The following NCOR1 variants were observed in gnomAD, a reference collection of about 807,000 sequenced individuals.
The protein encoded by NCOR1 is nuclear receptor corepressor 1, also known as protein phosphatase 1, regulatory subunit 109.
In NCOR1, 63 loss-of-function variants were observed where a neutral mutation model predicts 288.1. The observed-to-expected ratio is 0.22, with a 90% CI of 0.18 to 0.27. The LOEUF is 0.27. NCOR1 is among the 10% of genes least tolerant of loss of function. The pLI is 1.00. For synonymous variants in NCOR1, 1,007 were observed against 1,065.9 expected (o/e 0.94, Z 1.08); for missense variants, 2,397 against 3,019.2 (o/e 0.79, Z 4.83).
chr17:16,100,883 G>A (rs919950780), intron 20 of NCOR1, among the ~76,000 whole-genome samples: 2 of 152,166 alleles, frequency 1.3e-5, no homozygotes, highest in African/African-American at 2.4e-5. Context: ...TTAGAGAAGC[G>A]GGAGTGCCTC....
chr17:16,112,342 C>T (rs2070448935), intron 18 of NCOR1, among the ~76,000 whole-genome samples: 1 of 152,114 alleles, frequency 6.6e-6, no homozygotes, highest in Non-Finnish European at 1.5e-5. Flanking sequence ...CTAAAGGCCG[C>T]TTTGTATACA....
At chr17:16,130,126 ACC>A (rs2075366716) in intron 14 of NCOR1, among the ~76,000 whole-genome samples, 1 of 152,126 alleles carries the variant, frequency 6.6e-6, no homozygotes, top group Admixed American at 6.5e-5. Context: ...AGAACCTCTC[ACC>A]CCTCTGTATA....
At chr17:16,087,041 G>A (rs1014886113) in intron 22 of NCOR1, 11 of 631,042 alleles carry the variant, frequency 1.7e-5, no homozygotes, top group Non-Finnish European at 2.1e-5. Context: ...ATGGAACGCA[G>A]AGAAACAAAG....
intron 11 of NCOR1, among the ~76,000 whole-genome samples, chr17:16,140,623 G>C (rs1015885658): frequency 5.3e-5 from 8 of 152,186 alleles, no homozygotes; most frequent in African/African-American, 1.9e-4. Flanking sequence ...AGACCAGCTT[G>C]GCCAACATGG....
chr17:16,115,880 T>G (rs2071465296), intron 18 of NCOR1, among the ~76,000 whole-genome samples: 1 of 152,210 alleles, frequency 6.6e-6, no homozygotes, highest in Non-Finnish European at 1.5e-5. Context: ...TATTTTCAGG[T>G]ATCTTTTCAC....
intron 21 of NCOR1, among the ~76,000 whole-genome samples, chr17:16,094,721 C>T (rs1014414270): frequency 1.3e-5 from 2 of 152,192 alleles, no homozygotes; most frequent in African/African-American, 2.4e-5. Context: ...CGCGCCGCCA[C>T]GCCTGACTGG....
intron 12 of NCOR1, among the ~76,000 whole-genome samples, chr17:16,138,588 A>G (rs774178447): frequency 3.3e-5 from 5 of 152,384 alleles, no homozygotes; most frequent in Non-Finnish European, 5.9e-5. Context: ...CCGTCTCAAA[A>G]AAAACAGAAG....
At chr17:16,101,101 A>G (rs900306586) in intron 20 of NCOR1, 149 bp downstream of exon 20, 2 of 726,054 alleles carry the variant, frequency 2.8e-6, no homozygotes, top group Admixed American at 3.0e-5. Context: ...ATTTAAACAG[A>G]ACAGTATCAG....
chr17:16,053,296 T>C (rs1197061553), intron 40 of NCOR1, among the ~76,000 whole-genome samples: 2 of 152,150 alleles, frequency 1.3e-5, no homozygotes, highest in East Asian at 1.9e-4. Flanking sequence ...GAAAACTCCA[T>C]AGTCTCAGCC....
At chr17:16,132,791 C>CTTTT (rs34110444) in intron 14 of NCOR1, among the ~76,000 whole-genome samples, 3 of 130,084 alleles carry the variant, frequency 2.3e-5, no homozygotes, top group African/African-American at 5.8e-5. Flanking sequence ...GCAAACTACA[C>CTTTT]TTTTTTTTTT....
chr17:16,078,809 C>T (rs1445618589), intron 26 of NCOR1, among the ~76,000 whole-genome samples: 2 of 152,118 alleles, frequency 1.3e-5, no homozygotes, highest in Non-Finnish European at 2.9e-5. Flanking sequence ...CTCCTGACCT[C>T]GTGATCCGCT....
intron 3 of NCOR1, among the ~76,000 whole-genome samples, chr17:16,182,623 G>A (rs1394922174): frequency 6.6e-6 from 1 of 151,876 alleles, no homozygotes; most frequent in Non-Finnish European, 1.5e-5. Flanking sequence ...CCCGGCTAAT[G>A]TTTTGTATTT....
In NCOR1 at chr17:16,125,893, G is replaced by C. The variant is rs145085513; in HGVS notation, c.1634+189C>G. ...AGACACTAGAGATTCAAACAGGTGA[G>C]AGGGTGCGAGGGGGTGGGTGAGGTA... On this transcript the variant is annotated intron_variant, in intron 15 of 45. Coordinates refer to ENST00000268712, the MANE Select transcript of NCOR1 (RefSeq NM_006311.4). Among the ~76,000 whole-genome samples the C allele has an allele frequency of 1.1e-3, 163 of 152,064 alleles. 1 individual carries two copies. Among genetic ancestry groups the C allele is most frequent in the African/African-American group, 3.8e-3 (158 of 41,492 alleles).
chr17:16,185,882 A>T (rs1206137019), intron 3 of NCOR1, among the ~76,000 whole-genome samples: 2 of 151,714 alleles, frequency 1.3e-5, no homozygotes, highest in Non-Finnish European at 2.9e-5. Context: ...GGCTGCAATG[A>T]GCCATGATCA....
intron 31 of NCOR1, 75 bp downstream of exon 31, chr17:16,070,089 AC>A: frequency 1.4e-6 from 2 of 1,479,914 alleles, no homozygotes; most frequent in African/African-American, 2.8e-5. Flanking sequence ...TTTGATATTT[AC>A]TACTTGACAA....
Position 16,058,558 on chromosome 17 carries a change from C to T in NCOR1, c.5923G>A (p.Val1975Met). 1.2e-6 allele frequency: 2 copies of T among 1,613,318 alleles called. No individual in the cohort carries two copies. The highest frequency in any genetic ancestry group is 1.7e-6 in the Non-Finnish European group (2 of 1,179,482). The change falls in exon 38 of 46, where the codon GTG (valine) becomes ATG (methionine). Residue 1975 changes from valine (V) to methionine (M), a missense_variant. Physicochemically the swap from Val to Met is conservative, Grantham distance 21. Coordinates refer to ENST00000268712, the MANE Select transcript of NCOR1 (RefSeq NM_006311.4). ...RYETPSDAIEVISPASSPAPP... is the reference protein window; with the variant it reads ...RYETPSDAIEMISPASSPAPP... ...GCAGGTGAGCTGGCAGGACTTATCA[C>T]CTCAATAGCATCGCTAGGTGTTTCA...
chr17:16,041,262 G>T (rs1454647437), intron 42 of NCOR1: 4 of 152,180 alleles, frequency 2.6e-5, no homozygotes, highest in Admixed American at 6.5e-5. Flanking sequence ...TAATAAAGCA[G>T]TGTGCCAGAA....
intron 5 of NCOR1, among the ~76,000 whole-genome samples, chr17:16,160,946 T>TTA (rs1328468545): frequency 2.0e-5 from 3 of 152,014 alleles, no homozygotes; most frequent in Admixed American, 2.0e-4. Flanking sequence ...AAAAAAATAA[T>TTA]AATAAATAGC....
At chr17:16,039,768 A>G (rs1017300969) in intron 43 of NCOR1, 114 bp from the exon 44 acceptor site, 1 of 925,522 alleles carries the variant, frequency 1.1e-6, no homozygotes. Flanking sequence ...GTGACCTAGA[A>G]CAATACCAGG....
Sources: gnomAD v4.1 joint callset for allele counts (sites outside exome capture counted in the v4.1 genomes callset) on GRCh38, gnomAD v4.1.1 for gene constraint, MANE v1.5 for transcripts, NCBI Gene and HGNC (gene_info 2026-07-23, HGNC 2026-07-21) for gene names.